PCDHGA5: variants seen among roughly 807,000 people sequenced by gnomAD.
PCDHGA5 encodes the protein protocadherin gamma subfamily A, 5.
A neutral mutation model predicts 56.7 loss-of-function variants in PCDHGA5; 36 were observed. The ratio of observed to expected loss-of-function variants is 0.64; its 90% confidence interval spans 0.49 to 0.84. The LOEUF (loss-of-function observed/expected upper bound fraction) is 0.84. Among genes scored for constraint, PCDHGA5 ranks in the 40% least tolerant of loss-of-function variants. The pLI, the probability that PCDHGA5 is intolerant of heterozygous loss-of-function variation, is 0.00. For synonymous variants in PCDHGA5, 563 were observed against 520.2 expected (o/e 1.08, Z -1.12); for missense variants, 1,305 against 1,201.5 (o/e 1.09, Z -1.27).
At chr5:141,419,505 G>C in intron 1 of PCDHGA5, 1 of 1,612,324 alleles carries the variant, frequency 6.2e-7, no homozygotes, top group Non-Finnish European at 8.5e-7. Flanking sequence ...GTGAGCCTGC[G>C]CGTGTTGGTG....
In PCDHGA5 at chr5:141,477,629, C is replaced by A. The variant is rs1191573380; in HGVS notation, c.2422-17178C>A. The A allele has an allele frequency of 6.2e-7, 1 of 1,614,040 alleles. No individual in the cohort carries two copies. The highest frequency in any genetic ancestry group is 8.5e-7 in the Non-Finnish European group (1 of 1,180,040). ...CTTGGAGCAAGGAGCTGAAACCGGGCTAGTGGGTCGCTATTTCACAATAAA... is the reference window on the plus strand; with the variant it reads ...CTTGGAGCAAGGAGCTGAAACCGGGATAGTGGGTCGCTATTTCACAATAAA... On this transcript the variant is annotated intron_variant, in intron 1 of 3. Coordinates refer to ENST00000518069, the MANE Select transcript of PCDHGA5 (RefSeq NM_018918.3). The surrounding 1 kb of genome is among the most constrained non-coding windows in gnomAD (Gnocchi z 4.9).
chr5:141,403,362 G>A lies in PCDHGA5; in HGVS notation c.2421+36611G>A, dbSNP rs200979571. 157 of 1,613,944 alleles carry A rather than the reference G, an allele frequency of 9.7e-5. No homozygotes were observed. Among genetic ancestry groups the A allele is most frequent in the Admixed American group, 4.3e-4 (26 of 60,012 alleles). On this transcript the variant is annotated intron_variant, in intron 1 of 3. Transcript: ENST00000518069. ...AGCGCCCCAAAGTTCCAGGCCGAAA[G>A]TCTGGAAGTAAAAATTAACGAAATC... is the stretch of plus-strand genomic sequence containing the variant.
At chr5:141,422,144 G>T in intron 1 of PCDHGA5, 1 of 1,583,520 alleles carries the variant, frequency 6.3e-7, no homozygotes, top group Non-Finnish European at 8.5e-7. Context: ...CAAGTACGGG[G>T]GTCTCTGGAT....
intron 2 of PCDHGA5, among the ~76,000 whole-genome samples, chr5:141,503,010 A>T (rs1595838084): frequency 6.8e-6 from 1 of 146,772 alleles, no homozygotes; most frequent in East Asian, 2.0e-4. Context: ...TGCCCGGTTA[A>T]TTTTTTTTTT....
At chr5:141,465,742 A>G (rs1425097489) in intron 1 of PCDHGA5, among the ~76,000 whole-genome samples, 1 of 151,214 alleles carries the variant, frequency 6.6e-6, no homozygotes, top group Non-Finnish European at 1.5e-5. Flanking sequence ...TGTTTTCAGG[A>G]TCAGACTGGT....
Position 141,432,916 on chromosome 5 carries a change from G to A in PCDHGA5, c.2422-61891G>A, listed in dbSNP as rs1303459899. ...TGCTGGCGCTCAGGCTGCGGCGCTG[G>A]CACAAGTCACGCCTGCTGCAGGCTT... is the stretch of plus-strand genomic sequence containing the variant. On this transcript the variant is annotated intron_variant, in intron 1 of 3. Transcript: ENST00000518069. This position sits in a 1 kb window ranked among gnomAD's most constrained non-coding sequence, Gnocchi z 6.0. 1.2e-6 allele frequency: 2 copies of A among 1,614,078 alleles called. No individual in the cohort carries two copies. The highest frequency in any genetic ancestry group is 1.7e-6 in the Non-Finnish European group (2 of 1,180,048).
At chr5:141,403,342 C>T (rs766669117) in intron 1 of PCDHGA5, 4 of 1,613,976 alleles carry the variant, frequency 2.5e-6, no homozygotes, top group African/African-American at 1.3e-5. Context: ...ACGACAGCGC[C>T]CCAAAGTTCC....
intron 1 of PCDHGA5, chr5:141,409,321 T>G (rs899218484): frequency 1.9e-6 from 3 of 1,613,996 alleles, no homozygotes; most frequent in Admixed American, 1.7e-5. Context: ...AAACACGGGA[T>G]CTGGATTTCG....
rs370432555 is a variant in PCDHGA5 at position 141,388,865 on chromosome 5, G to A, written c.2421+22114G>A. On this transcript the variant is annotated intron_variant, in intron 1 of 3. Transcript: ENST00000518069. Reference sequence around the variant, plus strand: ...CAAGGGACGGTGGAGGAATGATTGCGCAATGCACAGTGGAGGTAGAAGTCA... The same window carrying A: ...CAAGGGACGGTGGAGGAATGATTGCACAATGCACAGTGGAGGTAGAAGTCA... 10 of 1,613,808 alleles carry A rather than the reference G, an allele frequency of 6.2e-6. No homozygotes were observed. In the East Asian group the frequency reaches 6.7e-5, roughly 11 times the overall value.
chr5:141,377,529 G>A (rs1774089651), intron 1 of PCDHGA5: 1 of 151,890 alleles, frequency 6.6e-6, no homozygotes, highest in African/African-American at 2.4e-5. Flanking sequence ...CCAGGGGTAT[G>A]AGGCTGCAGT....
intron 1 of PCDHGA5, chr5:141,418,580 G>A: frequency 1.2e-5 from 20 of 1,614,018 alleles, no homozygotes; most frequent in Non-Finnish European, 1.7e-5. Flanking sequence ...CAACCCCCCA[G>A]TGTTCAGCCA....
intron 1 of PCDHGA5, among the ~76,000 whole-genome samples, chr5:141,450,572 T>C (rs1276283357): frequency 6.6e-6 from 1 of 151,710 alleles, no homozygotes; most frequent in Non-Finnish European, 1.5e-5. Context: ...CTGCAACTTC[T>C]GCCTCCCAGG....
intron 1 of PCDHGA5, among the ~76,000 whole-genome samples, chr5:141,373,465 A>G (rs2150023959): frequency 6.6e-6 from 1 of 152,348 alleles, no homozygotes; most frequent in Non-Finnish European, 1.5e-5. Flanking sequence ...AGCAGCTGCA[A>G]TGAGCTATAA....
At chr5:141,408,797 C>T (rs965305130) in intron 1 of PCDHGA5, 1 of 1,612,958 alleles carries the variant, frequency 6.2e-7, no homozygotes, top group African/African-American at 1.3e-5. Flanking sequence ...TCTGGAGAAA[C>T]TCCTAGACCG....
At chr5:141,397,216 T>C (rs772120141) in intron 1 of PCDHGA5, among the ~76,000 whole-genome samples, 32 of 152,186 alleles carry the variant, frequency 2.1e-4, no homozygotes, top group Non-Finnish European at 4.1e-4. Context: ...AGAGAAGTAT[T>C]TTGAGATATG....
intron 1 of PCDHGA5, chr5:141,423,165 C>G: frequency 6.2e-7 from 1 of 1,613,434 alleles, no homozygotes; most frequent in Non-Finnish European, 8.5e-7. Context: ...TCGTGGTGGC[C>G]GTCCAGGACC....
At chr5:141,484,425 A>G (rs2099596309) in intron 1 of PCDHGA5, among the ~76,000 whole-genome samples, 3 of 152,192 alleles carry the variant, frequency 2.0e-5, no homozygotes, top group African/African-American at 7.2e-5. Flanking sequence ...TACAATGAGA[A>G]CATGTACTGC....
intron 1 of PCDHGA5, chr5:141,423,295 C>A: frequency 6.2e-7 from 1 of 1,614,146 alleles, no homozygotes; most frequent in Non-Finnish European, 8.5e-7. Context: ...AACCTCAGAC[C>A]TCTCGCTGTA....
chr5:141,427,890 G>T lies in PCDHGA5; in HGVS notation c.2421+61139G>T, dbSNP rs1438515062. 1.9e-6 allele frequency: 3 copies of T among 1,566,844 alleles called. No homozygotes were observed. In the South Asian group the frequency reaches 3.3e-5, roughly 17 times the overall value. Reference sequence around the variant, plus strand: ...GCTCACGATGCAGGCCCACGACCAGGGCTCGCCCGCGCTCAGCGCCAACAT... The same window carrying T: ...GCTCACGATGCAGGCCCACGACCAGTGCTCGCCCGCGCTCAGCGCCAACAT... On this transcript the variant is annotated intron_variant, in intron 1 of 3. Transcript: ENST00000518069.
Sources: gnomAD v4.1 joint callset for allele counts (sites outside exome capture counted in the v4.1 genomes callset) on GRCh38, gnomAD v4.1.1 for gene constraint, Gnocchi (gnomAD v3.1) non-coding constraint, MANE v1.5 for transcripts, NCBI Gene and HGNC (gene_info 2026-07-23, HGNC 2026-07-21) for gene names.